FRMPD3: variants seen among roughly 807,000 people sequenced by gnomAD.
FRMPD3 encodes FERM and PDZ domain-containing protein 3.
FRMPD3 carries 42 observed loss-of-function variants against 97.9 expected under a neutral mutation model. That is an observed-to-expected ratio of 0.43 (90% confidence interval 0.34 to 0.55). FRMPD3 has a LOEUF of 0.55. Ranked by LOEUF, FRMPD3 falls within the 20% of genes least tolerant of loss-of-function variation. The pLI, the probability that FRMPD3 is intolerant of heterozygous loss-of-function variation, is 0.03. For missense variants in FRMPD3, 1,303 were observed against 1,457.7 expected (o/e 0.89, Z 1.73); for synonymous variants, 577 against 581.1 (o/e 0.99, Z 0.10).
chrX:107,598,810 G>T (rs1410952342), intron 14 of FRMPD3, among the ~76,000 whole-genome samples: 1 of 112,432 alleles, frequency 8.9e-6, no homozygotes, highest in Non-Finnish European at 1.9e-5. Flanking sequence ...ACACAGTAAG[G>T]CCTCAGTAAG....
intron 1 of FRMPD3, among the ~76,000 whole-genome samples, chrX:107,492,429 C>A (rs764312031): frequency 5.4e-5 from 6 of 111,381 alleles, no homozygotes; most frequent in Non-Finnish European, 9.4e-5. Flanking sequence ...TTTCATGGTA[C>A]CCTGAGTGTG....
Position 107,597,403 on chromosome X carries a change from CAGCCCCAGGAAATCG to C in FRMPD3, c.1529_1543del (p.Pro510_Ser514del). On this transcript the variant is annotated inframe_deletion, in exon 14 of 15. Transcript: ENST00000683843. ...GTAGTTATGTGGGCAGCGTGGGCAC[CAGCCCCAGGAAATCG>C]AGCCGCTGCACGCCCCCACCTGCCG... 8.3e-7 allele frequency: 1 copy of C among 1,210,873 alleles called. No homozygotes were observed. Among genetic ancestry groups the C allele is most frequent in the Non-Finnish European group, 1.1e-6 (1 of 895,302 alleles).
chrX:107,504,996 C>T lies in FRMPD3; in HGVS notation c.-7-21586C>T, dbSNP rs767384925. On this transcript the variant is annotated intron_variant, in intron 1 of 14. Coordinates refer to ENST00000683843, the MANE Select transcript of FRMPD3 (RefSeq NM_001388459.1). ...TGTCATGGGCACTGCTGAGGGAGAA[C>T]GGTATTTCACAGAGCAGAGACTCCC... Among the ~76,000 whole-genome samples, 130 of 112,259 alleles carry T rather than the reference C, an allele frequency of 1.2e-3. 1 individual carries two copies. The highest frequency in any genetic ancestry group is 4.0e-3 in the African/African-American group (124 of 30,913).
At chrX:107,532,275 C>T (rs1206208547) in intron 3 of FRMPD3, among the ~76,000 whole-genome samples, 1 of 112,469 alleles carries the variant, frequency 8.9e-6, no homozygotes, top group Non-Finnish European at 1.9e-5. Context: ...TGAAGAAAGA[C>T]TTGAAGGAGG....
intron 4 of FRMPD3, among the ~76,000 whole-genome samples, chrX:107,541,688 G>A (rs1921310414): frequency 9.0e-6 from 1 of 111,669 alleles, no homozygotes; most frequent in Non-Finnish European, 1.9e-5. Context: ...TCACTGTGGT[G>A]AATACATAAA....
In FRMPD3 at chrX:107,600,362, A is replaced by G; in HGVS notation, c.2323A>G (p.Asn775Asp). The G allele has an allele frequency of 8.3e-7, 1 of 1,210,430 alleles. No individual in the cohort carries two copies. Among genetic ancestry groups the G allele is most frequent in the Non-Finnish European group, 1.1e-6 (1 of 895,207 alleles). Reference sequence around the variant, plus strand: ...ATCGCTGGACTCAGGTCATGAAACCAACTCTTCAGAGCTCACAGACATGTC... The same window carrying G: ...ATCGCTGGACTCAGGTCATGAAACCGACTCTTCAGAGCTCACAGACATGTC... ...ESSLDSGHET[N>D]SSELTDMSEM... Residue 775 changes from asparagine (N) to aspartate (D), a missense_variant, in exon 15 of 15, where the codon AAC becomes GAC. Physicochemically the swap from Asn to Asp is conservative, Grantham distance 23. Around this residue, in one of 3 missense-constraint regions of FRMPD3, gnomAD observed 4 missense variants for 18.9 expected, o/e 0.21. Transcript: ENST00000683843.
At chrX:107,502,540 C>T (rs749800527) in intron 1 of FRMPD3, among the ~76,000 whole-genome samples, 5 of 111,332 alleles carry the variant, frequency 4.5e-5, no homozygotes, top group South Asian at 3.8e-4. Context: ...AGTCCCCTCC[C>T]GATCCTCCAC....
intron 1 of FRMPD3, among the ~76,000 whole-genome samples, chrX:107,484,163 C>T (rs1476593068): frequency 8.9e-6 from 1 of 112,139 alleles, no homozygotes; most frequent in Admixed American, 9.4e-5. Context: ...TCCTATAGCA[C>T]AGGCCCAAAG....
rs146224540 is a variant in FRMPD3 at position 107,483,645 on chromosome X, G to A, written c.-8+33640G>A. ...CTCAGCCACCACATCTTGGATGCTCGTTTTCTTCCTGGCAGAATGGTGCCA... is the reference window on the plus strand; with the variant it reads ...CTCAGCCACCACATCTTGGATGCTCATTTTCTTCCTGGCAGAATGGTGCCA... On this transcript the variant is annotated intron_variant, in intron 1 of 14. Transcript: ENST00000683843. 1.5e-3 allele frequency among the ~76,000 whole-genome samples: 167 copies of A among 111,714 alleles called. 3 individuals carry two copies. In the East Asian group the frequency reaches 0.036, roughly 24 times the overall value.
rs1258842680 is a variant in FRMPD3, at chrX:107,449,920, G to T, written c.-93G>T. On this transcript the variant is annotated 5_prime_UTR_variant, in exon 1 of 15. Coordinates refer to ENST00000683843, the MANE Select transcript of FRMPD3 (RefSeq NM_001388459.1). ...CGCTGCCGCCGCCGCCGCCGCCGCC[G>T]CTGCGCCGCCGCTGCCGCGCCGCTG... Among the ~76,000 whole-genome samples the T allele has an allele frequency of 9.1e-6, 1 of 109,592 alleles. No homozygotes were observed. Among genetic ancestry groups the T allele is most frequent in the Non-Finnish European group, 1.9e-5 (1 of 52,033 alleles).
At chrX:107,527,521 C>A (rs1431011013) in intron 2 of FRMPD3, among the ~76,000 whole-genome samples, 1 of 111,873 alleles carries the variant, frequency 8.9e-6, no homozygotes. Flanking sequence ...CTGAAAGGGA[C>A]CATGTGGGAT....
In FRMPD3 at chrX:107,601,544, G is replaced by A; in HGVS notation, c.3505G>A (p.Gly1169Ser). The change falls in exon 15 of 15, where the codon GGC becomes AGC. Residue 1169 changes from glycine to serine, a missense_variant. Around this residue, in one of 3 missense-constraint regions of FRMPD3, gnomAD observed 764 missense variants for 820.2 expected, o/e 0.93. Coordinates refer to ENST00000683843, the MANE Select transcript of FRMPD3 (RefSeq NM_001388459.1). Reference protein sequence around the residue: ...RGQSPSCQPRGQSPLRSQAAS... With the variant: ...RGQSPSCQPRSQSPLRSQAAS... Reference sequence around the variant, plus strand: ...TCAGAGCCCCAGCTGCCAACCTCGAGGCCAGAGCCCACTGAGGTCTCAGGC... The same window carrying A: ...TCAGAGCCCCAGCTGCCAACCTCGAAGCCAGAGCCCACTGAGGTCTCAGGC... 6 of 1,186,924 alleles carry A rather than the reference G, an allele frequency of 5.1e-6. No homozygotes were observed. The highest frequency in any genetic ancestry group is 6.8e-6 in the Non-Finnish European group (6 of 884,152).
intron 12 of FRMPD3, among the ~76,000 whole-genome samples, chrX:107,568,333 G>A (rs1423395042): frequency 2.9e-5 from 3 of 102,510 alleles, no homozygotes; most frequent in African/African-American, 7.1e-5. Context: ...CCATTAACTC[G>A]TCATTTAGCA....
intron 1 of FRMPD3, among the ~76,000 whole-genome samples, chrX:107,470,656 G>A (rs1302888867): frequency 8.9e-6 from 1 of 112,216 alleles, no homozygotes; most frequent in Non-Finnish European, 1.9e-5. Flanking sequence ...CTCAGGGGAG[G>A]GGATACACAA....
chrX:107,490,522 G>T (rs1281273312), intron 1 of FRMPD3, among the ~76,000 whole-genome samples: 1 of 111,083 alleles, frequency 9.0e-6, no homozygotes, highest in Non-Finnish European at 1.9e-5. Flanking sequence ...TTGAGCAGTG[G>T]TTTGTAGTTC....
At chrX:107,545,435 A>G (rs1218624214) in intron 4 of FRMPD3, 3 of 174,252 alleles carry the variant, frequency 1.7e-5, no homozygotes, top group East Asian at 2.4e-4. Context: ...AACCAAATAT[A>G]TAAAAACTCA....
intron 12 of FRMPD3, among the ~76,000 whole-genome samples, chrX:107,567,889 A>G (rs1438325098): frequency 9.0e-6 from 1 of 111,286 alleles, no homozygotes; most frequent in Non-Finnish European, 1.9e-5. Context: ...TGAAGGGACA[A>G]GGGCCTGTGC....
intron 1 of FRMPD3, among the ~76,000 whole-genome samples, chrX:107,523,547 AC>A (rs1217676476): frequency 2.7e-5 from 3 of 111,914 alleles, no homozygotes; most frequent in Middle Eastern, 4.6e-3. Flanking sequence ...TCTTCTGAAC[AC>A]CCAAGTTGGA....
In FRMPD3 at chrX:107,600,479, C is replaced by T. The variant is rs760672999; in HGVS notation, c.2440C>T (p.Leu814=). 2.4e-4 allele frequency: 293 copies of T among 1,208,834 alleles called. 3 individuals carry two copies. The South Asian group carries it at 4.9e-3, about 20-fold the overall frequency. The change falls in exon 15 of 15, where the codon CTG becomes TTG. Residue 814 remains leucine (L), a synonymous_variant. Coordinates refer to ENST00000683843, the MANE Select transcript of FRMPD3 (RefSeq NM_001388459.1). ...NKDSLLARKD[L]PFRIQSCAAQ... is the part of the protein sequence containing the mutation. ...GGACAGCCTCCTTGCCCGCAAGGAC[C>T]TGCCCTTCCGGATCCAGAGCTGTGC...
Sources: allele counts gnomAD v4.1 joint callset (sites outside exome capture counted in the v4.1 genomes callset), GRCh38; gene constraint gnomAD v4.1.1; regional missense constraint gnomAD v4.1.1; transcripts MANE v1.5; gene names NCBI Gene and HGNC (gene_info 2026-07-23, HGNC 2026-07-21).